The following SLC1A7 variants were observed in gnomAD, a reference collection of about 807,000 sequenced individuals.
SLC1A7 encodes the protein excitatory amino acid transporter 5.
A neutral mutation model predicts 47.7 loss-of-function variants in SLC1A7; 40 were observed. The ratio of observed to expected loss-of-function variants is 0.84; its 90% CI spans 0.65 to 1.09. SLC1A7 has a LOEUF of 1.09. SLC1A7 is among the 50% of genes least tolerant of loss of function. SLC1A7 has a pLI of 0.00. For synonymous variants in SLC1A7, 323 were observed against 325.6 expected (o/e 0.99, Z 0.09); for missense variants, 746 against 769.5 (o/e 0.97, Z 0.36).
At chr1:53,137,299 A>AAAAAAAAAAAAAT (rs71044460) in intron 1 of SLC1A7, among the ~76,000 whole-genome samples, 1 of 139,694 alleles carries the variant, frequency 7.2e-6, no homozygotes, top group Non-Finnish European at 1.5e-5. Context: ...AAAAAAAAAA[A>AAAAAAAAAAAAAT]GTGCTCTACT....
At chr1:53,134,237 C>T (rs897768230) in intron 2 of SLC1A7, 113 bp downstream of exon 2, 2 of 694,296 alleles carry the variant, frequency 2.9e-6, no homozygotes, top group Non-Finnish European at 4.9e-6. Flanking sequence ...CGGTCACACT[C>T]ATCCCAGGGC....
chr1:53,121,775 C>A (rs1351056965), intron 2 of SLC1A7, among the ~76,000 whole-genome samples: 3 of 152,142 alleles, frequency 2.0e-5, no homozygotes, highest in Non-Finnish European at 4.4e-5. Flanking sequence ...TGGCTGCACA[C>A]GTGGGGAGGG....
intron 5 of SLC1A7, among the ~76,000 whole-genome samples, chr1:53,096,411 G>T (rs754922631): frequency 1.4e-5 from 2 of 143,640 alleles, no homozygotes; most frequent in Admixed American, 6.9e-5. Context: ...GCCTCGCCTC[G>T]GTACACTCAC....
At position 53,136,997 on chromosome 1, in the gene SLC1A7, G is replaced by T. The variant is rs561436066; in HGVS notation, c.136-2568C>A. ...TGTATATATTCTTTAAGTTAAAAGT[G>T]CTCTAATAGCCAGGCTCAGTGGCTT... On this transcript the variant is annotated intron_variant, in intron 1 of 10. Coordinates refer to ENST00000371494, the MANE Select transcript of SLC1A7 (RefSeq NM_006671.6). Among the ~76,000 whole-genome samples the T allele has an allele frequency of 1.9e-4, 29 of 151,956 alleles. 1 individual carries two copies. In the South Asian group the frequency reaches 5.8e-3, roughly 31 times the overall value.
At chr1:53,090,450 C>T (rs114618621) in intron 8 of SLC1A7, 162 bp downstream of exon 8, 48,707 of 1,166,796 alleles carry the variant, frequency 0.042, 1,127 homozygotes, top group Middle Eastern at 0.06. Context: ...CCCTCCCTCC[C>T]GGGCTGTCCT....
At chr1:53,088,740 A>G in intron 10 of SLC1A7, 137 bp downstream of exon 10, 1 of 679,258 alleles carries the variant, frequency 1.5e-6, no homozygotes, top group Non-Finnish European at 2.7e-6. Context: ...TCTGTAACGG[A>G]TGAGGAGACC....
At chr1:53,114,704 C>A in intron 3 of SLC1A7, 54 bp downstream of exon 3, 1 of 1,511,452 alleles carries the variant, frequency 6.6e-7, no homozygotes, top group Non-Finnish European at 9.2e-7. Context: ...GGGGACCTGG[C>A]AGGGCAGGCT....
rs1644437881 is a variant in SLC1A7, at chr1:53,092,695, G to A, written c.890C>T (p.Ser297Leu). ...RAVGKKLGFY[S>L]VTVVCGLVLH... The stretch of plus-strand genomic sequence containing the variant: ...CACCAGCCCGCACACCACGGTGACT[G>A]AGTAGAAGCCCAGCTTCTTGCCGAC... Residue 297 changes from serine (S) to leucine (L), a missense_variant, in exon 7 of 11, where the codon TCA (serine) becomes TTA (leucine). Transcript: ENST00000371494. 2 of 1,614,074 alleles carry A rather than the reference G, an allele frequency of 1.2e-6. No individual in the cohort carries two copies. Among genetic ancestry groups the A allele is most frequent in the Non-Finnish European group, 1.7e-6 (2 of 1,179,926 alleles).
intron 2 of SLC1A7, among the ~76,000 whole-genome samples, chr1:53,122,577 G>A (rs975045913): frequency 1.3e-5 from 2 of 152,130 alleles, no homozygotes; most frequent in South Asian, 2.1e-4. Flanking sequence ...CTTCCCAGAC[G>A]GCTCTGCCAA....
intron 2 of SLC1A7, among the ~76,000 whole-genome samples, chr1:53,126,816 G>A (rs1477198138): frequency 6.6e-6 from 1 of 152,186 alleles, no homozygotes; most frequent in Admixed American, 6.5e-5. Context: ...TGTGGAGTGA[G>A]AGGATGGTTT....
intron 4 of SLC1A7, among the ~76,000 whole-genome samples, chr1:53,104,267 A>G (rs534819257): frequency 1.3e-5 from 2 of 152,336 alleles, no homozygotes; most frequent in African/African-American, 4.8e-5. Context: ...ACTGCATGAA[A>G]TGAAATGAGA....
At chr1:53,140,349 GCTGAGGAAAATTAAAGAGAA>G (rs1645044905) in intron 1 of SLC1A7, among the ~76,000 whole-genome samples, 1 of 152,174 alleles carries the variant, frequency 6.6e-6, no homozygotes, top group Non-Finnish European at 1.5e-5. Context: ...TATTTTTGTT[GCTGAGGAAAATTAAAGAGAA>G]CAGATTGCAG....
chr1:53,101,292 TCGG>T (rs1644576004), intron 5 of SLC1A7, among the ~76,000 whole-genome samples: 4 of 139,798 alleles, frequency 2.9e-5, no homozygotes, highest in African/African-American at 1.1e-4. Flanking sequence ...ACACCCCACC[TCGG>T]TACACTCGCA....
At chr1:53,114,712 G>A (rs1009622997) in intron 3 of SLC1A7, 46 bp downstream of exon 3, 41 of 1,557,414 alleles carry the variant, frequency 2.6e-5, no homozygotes, top group Non-Finnish European at 3.4e-5. Context: ...GGCAGGGCAG[G>A]CTCGGGCCTG....
chr1:53,102,756 T>C (rs1644597881), intron 5 of SLC1A7: 1 of 151,844 alleles, frequency 6.6e-6, no homozygotes, highest in South Asian at 2.1e-4. Context: ...TGACGCGGGG[T>C]AGAAGGAAAC....
intron 2 of SLC1A7, among the ~76,000 whole-genome samples, chr1:53,117,900 G>A (rs1182962824): frequency 2.0e-5 from 3 of 152,238 alleles, no homozygotes; most frequent in African/African-American, 4.8e-5. Flanking sequence ...ACCCATGGAC[G>A]AAATGGAGAG....
intron 5 of SLC1A7, among the ~76,000 whole-genome samples, chr1:53,094,676 C>T (rs1038252209): frequency 1.3e-4 from 20 of 152,198 alleles, no homozygotes; most frequent in Non-Finnish European, 2.6e-4. Context: ...CTACCCCGCC[C>T]GCCTGTCTTC....
chr1:53,114,428 A>C, intron 3 of SLC1A7: 1 of 333,906 alleles, frequency 3.0e-6, no homozygotes, highest in Non-Finnish European at 5.6e-6. Context: ...CCTCATCTGT[A>C]AAAAGAGGAC....
Position 53,089,794 on chromosome 1 carries a change from A to C in SLC1A7, c.1361+6T>G. On this transcript the variant is annotated splice_donor_region_variant and intron_variant, in intron 9 of 10. Coordinates refer to ENST00000371494, the MANE Select transcript of SLC1A7 (RefSeq NM_006671.6). ...AGGGCTAGAGCTAGAGGCAAAGTCC[A>C]CTCACAGAGCCCAGTCAACGGCAAT... 6.2e-7 allele frequency: 1 copy of C among 1,613,498 alleles called. No individual in the cohort carries two copies. Among genetic ancestry groups the C allele is most frequent in the South Asian group, 1.1e-5 (1 of 91,010 alleles).
Sources: gnomAD v4.1 joint callset for allele counts (sites outside exome capture counted in the v4.1 genomes callset) on GRCh38, gnomAD v4.1.1 for gene constraint, MANE v1.5 for transcripts, NCBI Gene and HGNC (gene_info 2026-07-23, HGNC 2026-07-21) for gene names.